The following AGAP1 variants were observed in gnomAD, a reference collection of about 807,000 sequenced individuals.
AGAP1 encodes ArfGAP with GTPase domain, ankyrin repeat and PH domain 1, also known as arf-GAP with GTPase, ANK repeat and PH domain-containing protein 1.
AGAP1 carries 29 observed loss-of-function variants against 105.3 expected under a neutral mutation model. The ratio of observed to expected loss-of-function variants is 0.28; its 90% confidence interval spans 0.21 to 0.38. AGAP1 has a LOEUF of 0.38. Among genes scored for constraint, AGAP1 ranks in the 10% least tolerant of loss-of-function variants. The pLI, the probability that AGAP1 is intolerant of heterozygous loss-of-function variation, is 1.00. For missense variants in AGAP1, 998 were observed against 1,165.1 expected (o/e 0.86, Z 2.09); for synonymous variants, 509 against 485.9 (o/e 1.05, Z -0.63).
At chr2:235,498,368 A>G (rs1281415115) in intron 1 of AGAP1, among the ~76,000 whole-genome samples, 1 of 151,632 alleles carries the variant, frequency 6.6e-6, no homozygotes, top group African/African-American at 2.4e-5. Context: ...TTCCAGATTT[A>G]TCTGATCAGG....
At chr2:235,576,556 G>T (rs1268283545) in intron 1 of AGAP1, among the ~76,000 whole-genome samples, 1 of 152,192 alleles carries the variant, frequency 6.6e-6, no homozygotes, top group African/African-American at 2.4e-5. Flanking sequence ...TAAGAACTTT[G>T]TTGCAGGTAT....
chr2:235,671,002 C>T (rs1194103211), intron 1 of AGAP1: 2 of 1,323,206 alleles, frequency 1.5e-6, no homozygotes, highest in Admixed American at 3.7e-5. Flanking sequence ...TGCGGCGGGC[C>T]CCGGCCGAAG....
At chr2:235,915,824 A>G (rs1243926328) in intron 11 of AGAP1, among the ~76,000 whole-genome samples, 1 of 152,220 alleles carries the variant, frequency 6.6e-6, no homozygotes. Flanking sequence ...ATATGCTAGA[A>G]GCAAGTAAGG....
At chr2:235,591,014 C>T (rs1249502914) in intron 1 of AGAP1, among the ~76,000 whole-genome samples, 3 of 148,900 alleles carry the variant, frequency 2.0e-5, no homozygotes, top group Non-Finnish European at 4.4e-5. Flanking sequence ...AGCCACCGCC[C>T]GGCCTATATT....
chr2:235,974,972 G>A (rs1038166611), intron 13 of AGAP1, among the ~76,000 whole-genome samples: 2 of 152,218 alleles, frequency 1.3e-5, no homozygotes, highest in Non-Finnish European at 2.9e-5. Flanking sequence ...CAGAATATTC[G>A]AGAAAGGCAT....
In AGAP1 at chr2:235,865,406, G is replaced by A. The variant is rs1475889279; in HGVS notation, c.1051-17939G>A. 2.0e-5 allele frequency among the ~76,000 whole-genome samples: 3 copies of A among 152,196 alleles called. No individual in the cohort carries two copies. Among genetic ancestry groups the A allele is most frequent in the Admixed American group, 6.5e-5 (1 of 15,290 alleles). On this transcript the variant is annotated intron_variant, in intron 9 of 17. Transcript: ENST00000304032. The surrounding 1 kb of genome is among the most constrained non-coding windows in gnomAD (Gnocchi z 6.2). ...GGGCACCCACAGTAACACGTGTGGC[G>A]CCGACCCCGCCGTGCGCAATCGGGG...
At position 236,000,336 on chromosome 2, in the gene AGAP1, C is replaced by T. The variant is rs547690914; in HGVS notation, c.1645+31713C>T. Among the ~76,000 whole-genome samples, 2 of 152,224 alleles carry T rather than the reference C, an allele frequency of 1.3e-5. No individual in the cohort carries two copies. Among genetic ancestry groups the T allele is most frequent in the African/African-American group, 2.4e-5 (1 of 41,462 alleles). On this transcript the variant is annotated intron_variant, in intron 13 of 17. Coordinates refer to ENST00000304032, the MANE Select transcript of AGAP1 (RefSeq NM_001037131.3). This position sits in a 1 kb window ranked among gnomAD's most constrained non-coding sequence, Gnocchi z 4.3. ...GGGAGGAAACAAAGTTATTTGAGGA[C>T]CTGCTGTACACAGTTTTGCTTAAAG... is the stretch of plus-strand genomic sequence containing the variant.
At chr2:235,935,864 G>A (rs2052962366) in intron 12 of AGAP1, among the ~76,000 whole-genome samples, 1 of 152,124 alleles carries the variant, frequency 6.6e-6, no homozygotes, top group African/African-American at 2.4e-5. Context: ...GGCATACTTG[G>A]CCGTCCTGTC....
intron 10 of AGAP1, among the ~76,000 whole-genome samples, chr2:235,892,951 G>A (rs944815054): frequency 6.6e-6 from 1 of 152,240 alleles, no homozygotes; most frequent in Non-Finnish European, 1.5e-5. Context: ...ACTGAGAAGA[G>A]CGTAGTCAGA....
chr2:236,021,706 C>A (rs147112199), intron 13 of AGAP1, among the ~76,000 whole-genome samples: 4 of 151,990 alleles, frequency 2.6e-5, no homozygotes, highest in Non-Finnish European at 5.9e-5. Context: ...TTTCAATTTG[C>A]GGTCAGATAA....
At chr2:236,063,993 T>C (rs986201387) in intron 16 of AGAP1, among the ~76,000 whole-genome samples, 4 of 152,236 alleles carry the variant, frequency 2.6e-5, no homozygotes, top group Non-Finnish European at 5.9e-5. Flanking sequence ...ATAATCATGA[T>C]GACTTACCTA....
chr2:235,902,894 T>C (rs2051134397), intron 10 of AGAP1, among the ~76,000 whole-genome samples: 1 of 152,246 alleles, frequency 6.6e-6, no homozygotes, highest in Admixed American at 6.5e-5. Context: ...GCACTTCTTT[T>C]TTTAAGTGTA....
rs1190228382 is a variant in AGAP1, at chr2:236,046,415, G to A, written c.1892-2644G>A. The stretch of plus-strand genomic sequence containing the variant: ...CCCCAGTTGCGATGCTGGTGAGGAC[G>A]CCCATGGGAGCATAAGTTCGAGAAG... On this transcript the variant is annotated intron_variant, in intron 15 of 17. Coordinates refer to ENST00000304032, the MANE Select transcript of AGAP1 (RefSeq NM_001037131.3). This position sits in a 1 kb window ranked among gnomAD's most constrained non-coding sequence, Gnocchi z 5.2. 2.0e-5 allele frequency among the ~76,000 whole-genome samples: 3 copies of A among 152,142 alleles called. No individual in the cohort carries two copies. Among genetic ancestry groups the A allele is most frequent in the South Asian group, 4.1e-4 (2 of 4,830 alleles).
In AGAP1 at chr2:236,024,516, T is replaced by A. The variant is rs140069374; in HGVS notation, c.1646-12045T>A. ...CACCCACTTCTCCCCCATGCATCCT[T>A]GTCAGATGCCTCCTGTTGAAAGCAA... is the stretch of plus-strand genomic sequence containing the variant. On this transcript the variant is annotated intron_variant, in intron 13 of 17. Coordinates refer to ENST00000304032, the MANE Select transcript of AGAP1 (RefSeq NM_001037131.3). Among the ~76,000 whole-genome samples the A allele has an allele frequency of 5.8e-3, 886 of 152,322 alleles. 5 individuals are homozygous for A. Among genetic ancestry groups the A allele is most frequent in the African/African-American group, 0.02 (836 of 41,576 alleles).
Position 235,689,365 on chromosome 2 carries a change from C to T in AGAP1, c.164-19814C>T, listed in dbSNP as rs1217102927. On this transcript the variant is annotated intron_variant, in intron 1 of 17. Coordinates refer to ENST00000304032, the MANE Select transcript of AGAP1 (RefSeq NM_001037131.3). This position sits in a 1 kb window ranked among gnomAD's most constrained non-coding sequence, Gnocchi z 4.2. ...GTGAGCCTGCTGCTGTTCATCGGCC[C>T]GTAGGGTCTCCAGCACAATACCGGG... Among the ~76,000 whole-genome samples, 4 of 152,326 alleles carry T rather than the reference C, an allele frequency of 2.6e-5. No homozygotes were observed. Among genetic ancestry groups the T allele is most frequent in the East Asian group, 3.9e-4 (2 of 5,176 alleles).
chr2:235,945,524 CAT>C (rs1379038225), intron 12 of AGAP1, among the ~76,000 whole-genome samples: 2 of 152,310 alleles, frequency 1.3e-5, no homozygotes, highest in East Asian at 3.9e-4. Flanking sequence ...TTTCTTCTAA[CAT>C]ATGGGTTAAC....
intron 6 of AGAP1, among the ~76,000 whole-genome samples, chr2:235,757,226 G>C (rs1954003147): frequency 6.6e-6 from 1 of 152,240 alleles, no homozygotes; most frequent in Non-Finnish European, 1.5e-5. Flanking sequence ...CCAGTTTGGT[G>C]ATCTCACATA....
rs2058646545 is a variant in AGAP1, at chr2:236,076,785, A to G, written c.2114+27504A>G. On this transcript the variant is annotated intron_variant, in intron 16 of 17. Transcript: ENST00000304032. This position sits in a 1 kb window ranked among gnomAD's most constrained non-coding sequence, Gnocchi z 4.4. ...AATGCCTCCAGTGAGCCAGGGCTAC[A>G]TTTTGGGAAGTGACTGTATCCTACA... Among the ~76,000 whole-genome samples the G allele has an allele frequency of 1.3e-5, 2 of 152,198 alleles. No homozygotes were observed. Among genetic ancestry groups the G allele is most frequent in the South Asian group, 4.2e-4 (2 of 4,816 alleles).
chr2:235,932,934 GTTT>G (rs924901591), intron 12 of AGAP1, among the ~76,000 whole-genome samples: 5 of 152,338 alleles, frequency 3.3e-5, no homozygotes, highest in Admixed American at 1.3e-4. Flanking sequence ...TTGAATGCCA[GTTT>G]TTTATTCACA....
Sources: allele counts gnomAD v4.1 joint callset (sites outside exome capture counted in the v4.1 genomes callset), GRCh38; gene constraint gnomAD v4.1.1; non-coding constraint Gnocchi (gnomAD v3.1); transcripts MANE v1.5; gene names NCBI Gene and HGNC (gene_info 2026-07-23, HGNC 2026-07-21).